Variants in FUT8 observed in about 807,000 individuals in gnomAD.
The protein encoded by FUT8 is alpha-(1,6)-fucosyltransferase.
Under a neutral mutation model 71.3 loss-of-function variants are expected in FUT8, and 29 were observed. That is an observed-to-expected ratio of 0.41 (90% CI 0.30 to 0.55). The LOEUF (loss-of-function observed/expected upper bound fraction) is 0.55. Ranked by LOEUF, FUT8 falls within the 20% of genes least tolerant of loss-of-function variation. The pLI, the probability that FUT8 is intolerant of heterozygous loss-of-function variation, is 0.34. For missense variants in FUT8, 544 were observed against 702.1 expected (o/e 0.77, Z 2.55); for synonymous variants, 254 against 239.3 (o/e 1.06, Z -0.57).
chr14:65,632,065 G>C (rs1890212707), intron 6 of FUT8, among the ~76,000 whole-genome samples: 1 of 152,106 alleles, frequency 6.6e-6, no homozygotes, highest in African/African-American at 2.4e-5. Context: ...ATTCCACTCT[G>C]CATATACATA....
At chr14:65,475,187 C>T (rs562608198) in intron 2 of FUT8, among the ~76,000 whole-genome samples, 8 of 152,292 alleles carry the variant, frequency 5.3e-5, no homozygotes, top group African/African-American at 1.9e-4. Flanking sequence ...GATAACGACC[C>T]TGCCTTTAGG....
chr14:65,426,263 T>C (rs1190001712), intron 1 of FUT8, among the ~76,000 whole-genome samples: 2 of 152,156 alleles, frequency 1.3e-5, no homozygotes, highest in Non-Finnish European at 2.9e-5. Context: ...GTCCTTCGGG[T>C]TCATCCATGT....
intron 9 of FUT8, among the ~76,000 whole-genome samples, chr14:65,732,508 C>G (rs559200444): frequency 1.3e-5 from 2 of 152,104 alleles, no homozygotes; most frequent in African/African-American, 4.8e-5. Flanking sequence ...ATATTTATTC[C>G]TCCTCTATTA....
rs190947580 is a variant in FUT8, at chr14:65,493,682, G to A, written c.-228+37964G>A. Among the ~76,000 whole-genome samples, 716 of 152,118 alleles carry A rather than the reference G, an allele frequency of 4.7e-3. 1 individual carries two copies. Among genetic ancestry groups the A allele is most frequent in the Non-Finnish European group, 7.5e-3 (509 of 67,958 alleles). On this transcript the variant is annotated intron_variant, in intron 2 of 10. Transcript: ENST00000673929. ...AAAAGAAACTGAGCTACAATAATTTGCCCAGCAAAAGGTAGAGTTCTTGCT... is the reference window on the plus strand; with the variant it reads ...AAAAGAAACTGAGCTACAATAATTTACCCAGCAAAAGGTAGAGTTCTTGCT...
intron 2 of FUT8, among the ~76,000 whole-genome samples, chr14:65,539,172 G>A (rs1308743656): frequency 1.3e-5 from 2 of 152,164 alleles, no homozygotes; most frequent in African/African-American, 4.8e-5. Context: ...GGCTAAAAGA[G>A]ATGGGTCTAC....
chr14:65,490,977 A>G (rs541392235), intron 2 of FUT8, among the ~76,000 whole-genome samples: 7 of 152,276 alleles, frequency 4.6e-5, no homozygotes, highest in African/African-American at 1.4e-4. Context: ...TGAATTGCAC[A>G]TAGGGAAATT....
chr14:65,629,749 C>T (rs1261984858), intron 6 of FUT8, 143 bp downstream of exon 6: 10 of 625,640 alleles, frequency 1.6e-5, no homozygotes, highest in African/African-American at 3.7e-5. Context: ...TTCAGAAAGA[C>T]ACTGTGTTAT....
intron 3 of FUT8, among the ~76,000 whole-genome samples, chr14:65,579,441 G>A (rs1209485349): frequency 6.6e-6 from 1 of 152,116 alleles, no homozygotes; most frequent in African/African-American, 2.4e-5. Flanking sequence ...GGATATATCT[G>A]TATAAGCATA....
At chr14:65,435,995 C>T (rs1460683535) in intron 1 of FUT8, among the ~76,000 whole-genome samples, 2 of 144,582 alleles carry the variant, frequency 1.4e-5, no homozygotes, top group African/African-American at 5.1e-5. Flanking sequence ...GTGGTGTGAT[C>T]ATCACTCACT....
chr14:65,690,017 T>C (rs1893495655), intron 7 of FUT8, among the ~76,000 whole-genome samples: 1 of 152,268 alleles, frequency 6.6e-6, no homozygotes, highest in African/African-American at 2.4e-5. Flanking sequence ...TGATCCATGT[T>C]GAGTTCATTT....
the FUT8 span, among the ~76,000 whole-genome samples, chr14:65,376,465 C>T: frequency 2.9e-4 from 25 of 87,100 alleles, 1 homozygote; most frequent in African/African-American, 8.8e-4. Flanking sequence ...GGCTGGAGTG[C>T]GGTGGTGTGA....
intron 2 of FUT8, among the ~76,000 whole-genome samples, chr14:65,456,012 G>C (rs1278654193): frequency 6.6e-6 from 1 of 152,102 alleles, no homozygotes; most frequent in Non-Finnish European, 1.5e-5. Flanking sequence ...CTGAACTTTT[G>C]GCATCGTTGT....
chr14:65,587,654 A>G (rs1887464593), intron 3 of FUT8, among the ~76,000 whole-genome samples: 2 of 152,352 alleles, frequency 1.3e-5, no homozygotes, highest in South Asian at 2.1e-4. Context: ...TGTGAGATTC[A>G]GGACACTGAA....
chr14:65,673,064 A>T (rs866653801), intron 7 of FUT8, among the ~76,000 whole-genome samples: 2 of 152,252 alleles, frequency 1.3e-5, no homozygotes, highest in Non-Finnish European at 2.9e-5. Context: ...TAATTGGAAA[A>T]TTTTATTTGT....
intron 3 of FUT8, among the ~76,000 whole-genome samples, chr14:65,612,190 A>C (rs1008035743): frequency 6.6e-6 from 1 of 152,102 alleles, no homozygotes; most frequent in Admixed American, 6.5e-5. Flanking sequence ...GTTTGTTACT[A>C]GAAGGTCTTG....
chr14:65,552,972 C>G (rs944091), intron 2 of FUT8, among the ~76,000 whole-genome samples: 265 of 152,030 alleles, frequency 1.7e-3, no homozygotes, highest in Non-Finnish European at 2.9e-3. Context: ...CTTTTTTTCC[C>G]CCAGACAGGG....
At chr14:65,606,501 T>C (rs890477366) in intron 3 of FUT8, among the ~76,000 whole-genome samples, 1 of 151,938 alleles carries the variant, frequency 6.6e-6, no homozygotes, top group Non-Finnish European at 1.5e-5. Context: ...ATGCAAAATT[T>C]CTTCTAAAAT....
At chr14:65,659,815 C>A (rs577877911) in intron 6 of FUT8, among the ~76,000 whole-genome samples, 1 of 152,124 alleles carries the variant, frequency 6.6e-6, no homozygotes, top group Admixed American at 6.5e-5. Flanking sequence ...GAGTACCTGT[C>A]ATATTTTTGA....
chr14:65,553,618 T>G (rs973195525), intron 2 of FUT8, among the ~76,000 whole-genome samples: 1 of 152,014 alleles, frequency 6.6e-6, no homozygotes, highest in Non-Finnish European at 1.5e-5. Context: ...TTTAACTTTT[T>G]TTTTCTGGAA....
Sources: gnomAD v4.1 joint callset for allele counts (sites outside exome capture counted in the v4.1 genomes callset) on GRCh38, gnomAD v4.1.1 for gene constraint, MANE v1.5 for transcripts, NCBI Gene and HGNC (gene_info 2026-07-23, HGNC 2026-07-21) for gene names.